Variants in SFXN2 observed in about 807,000 individuals in gnomAD.
SFXN2 encodes sideroflexin-2.
A neutral mutation model predicts 41.9 loss-of-function variants in SFXN2; 37 were observed. That is an observed-to-expected ratio of 0.88 (90% CI 0.68 to 1.16). SFXN2 has a LOEUF of 1.16. SFXN2 is among the 50% of genes most tolerant of loss of function. The pLI is 0.00. For missense variants in SFXN2, 386 were observed against 425.2 expected (o/e 0.91, Z 0.81); for synonymous variants, 150 against 156.7 (o/e 0.96, Z 0.32).
At chr10:102,718,918 CT>C (rs34471332) in intron 1 of SFXN2, among the ~76,000 whole-genome samples, 27,668 of 74,782 alleles carry the variant, frequency 0.37, 2,284 homozygotes, top group South Asian at 0.44. Flanking sequence ...TTCTCGGCTT[CT>C]TTTTTTTTTT....
intron 1 of SFXN2, among the ~76,000 whole-genome samples, chr10:102,723,622 A>G (rs1423995018): frequency 6.6e-6 from 1 of 152,162 alleles, no homozygotes; most frequent in Non-Finnish European, 1.5e-5. Context: ...GATATGGGAT[A>G]GGTGGAAATG....
In SFXN2 at chr10:102,737,653, C is replaced by G; in HGVS notation, c.870-10C>G. The G allele has an allele frequency of 1.3e-6, 2 of 1,593,992 alleles. No individual in the cohort carries two copies. Among genetic ancestry groups the G allele is most frequent in the African/African-American group, 1.3e-5 (1 of 74,650 alleles). ...GGTGGCATGCTCATAATCCACTTCT[C>G]TCTTTTCAGTGAATTGCCAGTTTCC... On this transcript the variant is annotated splice_polypyrimidine_tract_variant and intron_variant, in intron 11 of 11. Coordinates refer to ENST00000369893, the MANE Select transcript of SFXN2 (RefSeq NM_178858.6).
intron 1 of SFXN2, among the ~76,000 whole-genome samples, chr10:102,724,511 G>A (rs1036242089): frequency 6.6e-6 from 1 of 152,134 alleles, no homozygotes; most frequent in Non-Finnish European, 1.5e-5. Context: ...AGACCATCCT[G>A]GCTAACATGG....
chr10:102,736,320 C>T (rs1334268122), intron 11 of SFXN2, among the ~76,000 whole-genome samples: 2 of 151,716 alleles, frequency 1.3e-5, no homozygotes, highest in South Asian at 2.1e-4. Context: ...TGCAGTGGCA[C>T]GATCTCGGCT....
Position 102,740,417 on chromosome 10 carries a change from C to A in SFXN2, c.*2655C>A. The A allele has an allele frequency of 6.6e-6, 1 of 152,268 alleles. No individual in the cohort carries two copies. The highest frequency in any genetic ancestry group is 2.1e-4 in the South Asian group (1 of 4,824). The allele number at this position is 152,268 out of a possible 1,614,324, so 9.4% of individuals were successfully genotyped here. ...TAATTTGATTTTTTTGATGAGGTCT[C>A]ACTATGTTGCCCCAGGCTGGTCTCG... On this transcript the variant is annotated 3_prime_UTR_variant, in exon 12 of 12. Transcript: ENST00000369893.
chr10:102,741,747 G>A lies in SFXN2; in HGVS notation c.*3985G>A, dbSNP rs1842787080. ...GATGAAACCTAGCCTTTATGTGGAA[G>A]ACTTACAACTTTTTGAGGCCAGGAA... On this transcript the variant is annotated 3_prime_UTR_variant, in exon 12 of 12. Transcript: ENST00000369893. 1 of 152,208 alleles carries A rather than the reference G, an allele frequency of 6.6e-6. No individual in the cohort carries two copies. The highest frequency in any genetic ancestry group is 1.5e-5 in the Non-Finnish European group (1 of 68,044). The allele number at this position is 152,208 out of a possible 1,614,324, so 9.4% of individuals were successfully genotyped here. A position where few individuals can be genotyped will look rare whatever the true frequency, so the allele number is the denominator to read the frequency against.
chr10:102,720,599 A>G (rs2064495503), intron 1 of SFXN2, among the ~76,000 whole-genome samples: 1 of 151,810 alleles, frequency 6.6e-6, no homozygotes, highest in South Asian at 2.1e-4. Context: ...CAACAGAGCA[A>G]GACCCTGTCT....
intron 9 of SFXN2, 31 bp downstream of exon 9, chr10:102,732,939 G>A (rs371367383): frequency 1.2e-6 from 2 of 1,612,920 alleles, no homozygotes; most frequent in Non-Finnish European, 1.7e-6. Flanking sequence ...CATTTTCCCT[G>A]CCCAGAGTGC....
intron 10 of SFXN2, among the ~76,000 whole-genome samples, chr10:102,735,508 C>T (rs529893342): frequency 6.6e-6 from 1 of 152,278 alleles, no homozygotes; most frequent in East Asian, 1.9e-4. Flanking sequence ...TCCTCCCCCT[C>T]CAAGTTTCTC....
chr10:102,737,103 G>A (rs900901865), intron 11 of SFXN2, among the ~76,000 whole-genome samples: 5 of 152,038 alleles, frequency 3.3e-5, no homozygotes, highest in African/African-American at 1.2e-4. Context: ...GCGGTGAGCC[G>A]AGATTGCACC....
At chr10:102,735,831 C>G in intron 10 of SFXN2, 31 bp from the exon 11 acceptor site, 1 of 1,612,896 alleles carries the variant, frequency 6.2e-7, no homozygotes, top group Non-Finnish European at 8.5e-7. Context: ...GGGAGATGTC[C>G]CCTGATGCTT....
At chr10:102,736,509 A>G (rs1590156779) in intron 11 of SFXN2, among the ~76,000 whole-genome samples, 1 of 143,398 alleles carries the variant, frequency 7.0e-6, no homozygotes, top group African/African-American at 2.6e-5. Flanking sequence ...GCAACCTCCG[A>G]CTCCCTGAAC....
Position 102,739,433 on chromosome 10 carries a change from C to G in SFXN2, c.*1671C>G, listed in dbSNP as rs2064822962. On this transcript the variant is annotated 3_prime_UTR_variant, in exon 12 of 12. Coordinates refer to ENST00000369893, the MANE Select transcript of SFXN2 (RefSeq NM_178858.6). ...GTTGGCAAGCTATGGCTCAAGGGGC[C>G]AAATCCACCTGCCACCTGTTTTTGT... 6.6e-6 allele frequency: 1 copy of G among 151,894 alleles called. No homozygotes were observed. Among genetic ancestry groups the G allele is most frequent in the African/African-American group, 2.4e-5 (1 of 41,294 alleles). The allele number at this position is 151,894 out of a possible 1,614,324, so 9.4% of individuals were successfully genotyped here.
rs576642410 is a variant in SFXN2, at chr10:102,720,814, T to C, written c.-25-5798T>C. Among the ~76,000 whole-genome samples the C allele has an allele frequency of 1.6e-4, 24 of 152,312 alleles. 1 individual carries two copies. The South Asian group carries it at 5.0e-3, about 32-fold the overall frequency. On this transcript the variant is annotated intron_variant, in intron 1 of 11. Transcript: ENST00000369893. ...AGCAAGACTCCCGGGATTCCCTCTC[T>C]GGTATATTCCAGTTATAGTGGCTAC...
intron 6 of SFXN2, among the ~76,000 whole-genome samples, chr10:102,730,711 G>T (rs541873710): frequency 6.6e-6 from 1 of 152,372 alleles, no homozygotes; most frequent in Non-Finnish European, 1.5e-5. Context: ...AGCACTTTGG[G>T]ATGCTGAGGC....
chr10:102,726,438 A>T, intron 1 of SFXN2, 174 bp from the exon 2 acceptor site: 1 of 618,680 alleles, frequency 1.6e-6, no homozygotes, highest in South Asian at 2.0e-5. Context: ...CAGGAAACAC[A>T]TGTTGGTGCC....
chr10:102,726,549 G>A (rs2064595500), intron 1 of SFXN2, 63 bp from the exon 2 acceptor site: 2 of 1,549,328 alleles, frequency 1.3e-6, no homozygotes, highest in East Asian at 2.2e-5. Context: ...AGTGGGACGT[G>A]CTCAGGTCCT....
At chr10:102,726,845 G>T in intron 2 of SFXN2, 48 bp downstream of exon 2, 1 of 1,605,848 alleles carries the variant, frequency 6.2e-7, no homozygotes, top group South Asian at 1.1e-5. Context: ...ACATTGATGG[G>T]GTCCTCTTGG....
chr10:102,728,475 TC>T lies in SFXN2; in HGVS notation c.378del (p.Phe126LeufsTer4). On this transcript the variant is annotated frameshift_variant, in exon 4 of 12. Coordinates refer to ENST00000369893, the MANE Select transcript of SFXN2 (RefSeq NM_178858.6). LOFTEE classifies it high-confidence loss of function. ...VIFWQWVNQSFNALVNYTNRN... is the reference protein window; with the variant it reads ...VIFWQWVNQSXNALVNYTNRN... ...TTCTGGCAGTGGGTGAACCAGTCCT[TC>T]AATGCCTTAGTCAACTACACCAACA... 1 of 1,613,904 alleles carries T rather than the reference TC, an allele frequency of 6.2e-7. No homozygotes were observed.
Sources: allele counts gnomAD v4.1 joint callset (sites outside exome capture counted in the v4.1 genomes callset), GRCh38; gene constraint gnomAD v4.1.1; transcripts MANE v1.5; gene names NCBI Gene and HGNC (gene_info 2026-07-23, HGNC 2026-07-21).